BAZ2B: variants seen among roughly 807,000 people sequenced by gnomAD.
BAZ2B encodes the protein bromodomain adjacent to zinc finger domain 2B.
Under a neutral mutation model 246.0 loss-of-function variants are expected in BAZ2B, and 91 were observed. The observed-to-expected ratio is 0.37, with a 90% confidence interval of 0.31 to 0.44. BAZ2B has a LOEUF of 0.44. Ranked by LOEUF, BAZ2B falls within the 20% of genes least tolerant of loss-of-function variation. The probability of loss-of-function intolerance (pLI) is 1.00; values close to 1 mark genes in which losing one functional copy is unlikely to be tolerated. For synonymous variants in BAZ2B, 855 were observed against 860.0 expected (o/e 0.99, Z 0.10); for missense variants, 2,332 against 2,533.7 (o/e 0.92, Z 1.71).
At chr2:159,652,304 G>T in the BAZ2B span, among the ~76,000 whole-genome samples, 2 of 151,644 alleles carry the variant, frequency 1.3e-5, no homozygotes, top group Non-Finnish European at 2.9e-5. Context: ...CCACCTCCCG[G>T]ATTCAAGTGA....
chr2:159,701,649 T>C, the BAZ2B span, among the ~76,000 whole-genome samples: 2 of 148,030 alleles, frequency 1.4e-5, no homozygotes, highest in Non-Finnish European at 3.0e-5. Flanking sequence ...ATATAATATA[T>C]ATTTTTATAA....
intron 16 of BAZ2B, among the ~76,000 whole-genome samples, chr2:159,403,772 C>G (rs1282877213): frequency 6.6e-6 from 1 of 152,040 alleles, no homozygotes; most frequent in Non-Finnish European, 1.5e-5. Context: ...GTTTTGTTGC[C>G]AGTCACTGCA....
At chr2:159,573,049 C>G (rs7575924) in intron 1 of BAZ2B, among the ~76,000 whole-genome samples, 83,979 of 151,842 alleles carry the variant, frequency 0.55, 23,969 homozygotes, top group East Asian at 0.74. Flanking sequence ...AAGTGGGAAA[C>G]GAGATAGTTT....
At chr2:159,374,861 C>G in intron 25 of BAZ2B, 108 bp from the exon 26 acceptor site, 1 of 901,150 alleles carries the variant, frequency 1.1e-6, no homozygotes, top group Non-Finnish European at 1.7e-6. Context: ...GGTATTAAGA[C>G]TCAGTTCTTT....
chr2:159,691,475 A>G, the BAZ2B span, among the ~76,000 whole-genome samples: 1 of 143,016 alleles, frequency 7.0e-6, no homozygotes, highest in Non-Finnish European at 1.6e-5. Flanking sequence ...AAATCATGAG[A>G]GAAAATACAT....
At chr2:159,585,472 A>G (rs543581510) in intron 1 of BAZ2B, among the ~76,000 whole-genome samples, 9 of 152,374 alleles carry the variant, frequency 5.9e-5, no homozygotes, top group Admixed American at 2.0e-4. Flanking sequence ...AAATGTTTAC[A>G]TTTATATGCA....
At chr2:159,526,795 A>G (rs2084794922) in intron 2 of BAZ2B, among the ~76,000 whole-genome samples, 1 of 152,170 alleles carries the variant, frequency 6.6e-6, no homozygotes, top group Non-Finnish European at 1.5e-5. Context: ...AGGAGGTGAA[A>G]CACTTCATTT....
chr2:159,405,205 G>A, intron 14 of BAZ2B, 91 bp from the exon 15 acceptor site: 22 of 1,092,986 alleles, frequency 2.0e-5, no homozygotes, highest in Non-Finnish European at 2.7e-5. Context: ...TCATCATAAA[G>A]GATATAATTA....
chr2:159,397,769 AT>A (rs1325519031), intron 18 of BAZ2B, among the ~76,000 whole-genome samples: 1 of 152,214 alleles, frequency 6.6e-6, no homozygotes, highest in Admixed American at 6.5e-5. Flanking sequence ...AGTTTAATAC[AT>A]TATGGTGCAA....
intron 13 of BAZ2B, among the ~76,000 whole-genome samples, chr2:159,415,581 TTG>T (rs1267615101): frequency 1.3e-5 from 2 of 152,146 alleles, no homozygotes; most frequent in African/African-American, 4.8e-5. Flanking sequence ...TTAAAAATAA[TTG>T]TCTTATTATT....
intron 1 of BAZ2B, among the ~76,000 whole-genome samples, chr2:159,606,097 G>A (rs1047700486): frequency 4.6e-5 from 7 of 152,130 alleles, no homozygotes; most frequent in African/African-American, 1.7e-4. Flanking sequence ...TTAATGACAA[G>A]GCACAGAAAT....
At chr2:159,474,972 T>C (rs1488324509) in intron 3 of BAZ2B, among the ~76,000 whole-genome samples, 1 of 152,208 alleles carries the variant, frequency 6.6e-6, no homozygotes, top group Non-Finnish European at 1.5e-5. Flanking sequence ...GACCTTTCTC[T>C]CTGGCTGCCC....
At chr2:159,661,135 T>C in the BAZ2B span, among the ~76,000 whole-genome samples, 1 of 152,208 alleles carries the variant, frequency 6.6e-6, no homozygotes, top group African/African-American at 2.4e-5. Flanking sequence ...AATCTATTTC[T>C]TGCCACTAGA....
chr2:159,459,464 T>C (rs1358198145), intron 3 of BAZ2B: 1 of 152,232 alleles, frequency 6.6e-6, no homozygotes, highest in Non-Finnish European at 1.5e-5. Context: ...ACTAGGTATT[T>C]AGAATGATGT....
chr2:159,672,704 C>G, the BAZ2B span, among the ~76,000 whole-genome samples: 750 of 152,062 alleles, frequency 4.9e-3, 4 homozygotes, highest in African/African-American at 0.018. Flanking sequence ...TAAAAACTGA[C>G]AAGTATAGAT....
At chr2:159,704,161 A>G in the BAZ2B span, among the ~76,000 whole-genome samples, 1 of 152,332 alleles carries the variant, frequency 6.6e-6, no homozygotes, top group Non-Finnish European at 1.5e-5. Flanking sequence ...GGGATAAAAA[A>G]TACGGTTATT....
chr2:159,426,704 T>C (rs896511504), intron 13 of BAZ2B, among the ~76,000 whole-genome samples: 22 of 152,176 alleles, frequency 1.4e-4, no homozygotes, highest in Non-Finnish European at 2.9e-4. Flanking sequence ...GGTTACATGA[T>C]GTATGCAAAA....
At chr2:159,332,914 G>A (rs2065016902) in intron 33 of BAZ2B, 1 of 489,508 alleles carries the variant, frequency 2.0e-6, no homozygotes, top group Non-Finnish European at 3.6e-6. Flanking sequence ...ACACTGCAAA[G>A]AACAAAGCTA....
chr2:159,626,001 C>CAAA, the BAZ2B span, among the ~76,000 whole-genome samples: 140 of 139,288 alleles, frequency 1.0e-3, no homozygotes, highest in Admixed American at 2.6e-3. Flanking sequence ...AAATGGAAAG[C>CAAA]AAAAAAAAAA....
Sources: allele counts gnomAD v4.1 joint callset (sites outside exome capture counted in the v4.1 genomes callset), GRCh38; gene constraint gnomAD v4.1.1; transcripts MANE v1.5; gene names NCBI Gene and HGNC (gene_info 2026-07-23, HGNC 2026-07-21).